The following RNGTT variants were observed in gnomAD, a reference collection of about 807,000 sequenced individuals.
RNGTT encodes RNA guanylyltransferase and 5'-phosphatase, also known as mRNA-capping enzyme.
A neutral mutation model predicts 79.3 loss-of-function variants in RNGTT; 33 were observed. That is an observed-to-expected ratio of 0.42 (90% CI 0.32 to 0.56). The LOEUF (loss-of-function observed/expected upper bound fraction) is 0.56, where lower values mean the gene tolerates loss of function less well. RNGTT is among the 20% of genes least tolerant of loss of function. The pLI, the probability that RNGTT is intolerant of heterozygous loss-of-function variation, is 0.17. For missense variants in RNGTT, 497 were observed against 739.1 expected, an observed-to-expected ratio of 0.67 and a Z score of 3.80; for synonymous variants, 222 against 235.9, an observed-to-expected ratio of 0.94 and a Z score of 0.54.
chr6:88,775,149 A>G (rs1007616948), intron 12 of RNGTT, among the ~76,000 whole-genome samples: 1 of 152,208 alleles, frequency 6.6e-6, no homozygotes, highest in Non-Finnish European at 1.5e-5. Context: ...ATTATAACAC[A>G]ATGTTTGATA....
At chr6:88,822,011 T>C (rs1780511307) in intron 11 of RNGTT, among the ~76,000 whole-genome samples, 1 of 152,122 alleles carries the variant, frequency 6.6e-6, no homozygotes, top group Non-Finnish European at 1.5e-5. Context: ...CTGATAAACT[T>C]CAAATTTTAA....
At chr6:88,737,051 T>C (rs752326747) in intron 13 of RNGTT, among the ~76,000 whole-genome samples, 14 of 152,188 alleles carry the variant, frequency 9.2e-5, no homozygotes, top group Non-Finnish European at 1.8e-4. Flanking sequence ...AGCCAGTTGT[T>C]CTGAAAGGCA....
intron 14 of RNGTT, among the ~76,000 whole-genome samples, chr6:88,650,120 G>T (rs1379340335): frequency 6.6e-6 from 1 of 152,126 alleles, no homozygotes; most frequent in Non-Finnish European, 1.5e-5. Context: ...GAGCCTGCAC[G>T]GAATAGCATG....
chr6:88,801,144 T>C (rs552640430), intron 12 of RNGTT, among the ~76,000 whole-genome samples: 70 of 152,352 alleles, frequency 4.6e-4, no homozygotes, highest in Non-Finnish European at 9.6e-4. Context: ...TGACAAAGTA[T>C]GAATTTTACT....
chr6:88,712,501 G>T (rs1323799463), intron 13 of RNGTT, among the ~76,000 whole-genome samples: 2 of 152,078 alleles, frequency 1.3e-5, no homozygotes, highest in Admixed American at 1.3e-4. Flanking sequence ...TAGAGATAGG[G>T]TCTCACCATG....
In RNGTT at chr6:88,929,092, T is replaced by G. The variant is rs918833066; in HGVS notation, c.279-19A>C. On this transcript the variant is annotated intron_variant, in intron 3 of 15. Transcript: ENST00000369485. ...ACCATGTCTAGTAATATAGAAAAAG[T>G]TTTTTTGAAAAAAGAGATTACAAAT... 1.3e-6 allele frequency: 2 copies of G among 1,597,380 alleles called. No individual in the cohort carries two copies. The highest frequency in any genetic ancestry group is 1.7e-6 in the Non-Finnish European group (2 of 1,170,838).
At position 88,648,003 on chromosome 6, in the gene RNGTT, T is replaced by C. The variant is rs1773646028; in HGVS notation, c.1506+30350A>G. Among the ~76,000 whole-genome samples the C allele has an allele frequency of 1.3e-5, 2 of 152,134 alleles. 1 individual carries two copies. Among genetic ancestry groups the C allele is most frequent in the South Asian group, 4.1e-4 (2 of 4,834 alleles). ...TCACATTAAGAAAGGATCTCTACGTTTGCATTCACTTCCTGTCACAAATAA... is the reference window on the plus strand; with the variant it reads ...TCACATTAAGAAAGGATCTCTACGTCTGCATTCACTTCCTGTCACAAATAA... On this transcript the variant is annotated intron_variant, in intron 14 of 15. Coordinates refer to ENST00000369485, the MANE Select transcript of RNGTT (RefSeq NM_003800.5).
At chr6:88,943,275 C>A (rs998667864) in intron 1 of RNGTT, among the ~76,000 whole-genome samples, 4 of 152,226 alleles carry the variant, frequency 2.6e-5, no homozygotes, top group Non-Finnish European at 2.9e-5. Flanking sequence ...CTGCTCCCTT[C>A]ATGGTCTTCC....
chr6:88,643,771 G>C (rs1773418378), intron 14 of RNGTT, among the ~76,000 whole-genome samples: 1 of 152,164 alleles, frequency 6.6e-6, no homozygotes, highest in African/African-American at 2.4e-5. Flanking sequence ...ATAACGAAAT[G>C]AAGGCAGAAA....
At chr6:88,801,006 T>C (rs1779764710) in intron 12 of RNGTT, among the ~76,000 whole-genome samples, 1 of 152,226 alleles carries the variant, frequency 6.6e-6, no homozygotes, top group Admixed American at 6.5e-5. Flanking sequence ...TGAGAAAACC[T>C]GCTATAGAGT....
chr6:88,914,361 A>G (rs1190835412), intron 4 of RNGTT, among the ~76,000 whole-genome samples: 1 of 152,170 alleles, frequency 6.6e-6, no homozygotes, highest in Non-Finnish European at 1.5e-5. Context: ...AGCTGAAGGC[A>G]TCATATTACA....
At chr6:88,731,432 T>A (rs1054714344) in intron 13 of RNGTT, among the ~76,000 whole-genome samples, 31 of 152,066 alleles carry the variant, frequency 2.0e-4, no homozygotes, top group African/African-American at 6.0e-4. Flanking sequence ...TGAACCAGAC[T>A]CAGATATAAC....
chr6:88,623,043 T>TA (rs1307098653), intron 14 of RNGTT, among the ~76,000 whole-genome samples: 1 of 152,068 alleles, frequency 6.6e-6, no homozygotes, highest in Non-Finnish European at 1.5e-5. Context: ...AGATGATATT[T>TA]AAGCTAAGAC....
At chr6:88,726,389 C>CAAAAAAAAAAAAAAAAA (rs61210098) in intron 13 of RNGTT, among the ~76,000 whole-genome samples, 1 of 99,550 alleles carries the variant, frequency 1.0e-5, no homozygotes, top group Non-Finnish European at 1.9e-5. Flanking sequence ...ATCCTAAGTC[C>CAAAAAAAAAAAAAAAAA]AAAAAAAAAA....
chr6:88,963,205 C>G, intron 1 of RNGTT, 141 bp downstream of exon 1: 1 of 771,962 alleles, frequency 1.3e-6, no homozygotes, highest in Non-Finnish European at 2.1e-6. Flanking sequence ...CATTCATCCA[C>G]GAAGCGTAAT....
chr6:88,799,931 T>C (rs1412122363), intron 12 of RNGTT, among the ~76,000 whole-genome samples: 1 of 152,120 alleles, frequency 6.6e-6, no homozygotes, highest in Admixed American at 6.5e-5. Flanking sequence ...TGGAATATAT[T>C]AGAACTAAAA....
intron 13 of RNGTT, among the ~76,000 whole-genome samples, chr6:88,706,216 T>C (rs946382045): frequency 1.3e-5 from 2 of 152,204 alleles, no homozygotes; most frequent in Middle Eastern, 3.4e-3. Context: ...AAGTATGTCA[T>C]CAATGCATTG....
At chr6:88,656,494 T>C (rs1773982568) in intron 14 of RNGTT, among the ~76,000 whole-genome samples, 1 of 152,136 alleles carries the variant, frequency 6.6e-6, no homozygotes, top group Non-Finnish European at 1.5e-5. Flanking sequence ...GAATCTAGTA[T>C]CTCTTTGGTT....
At chr6:88,626,572 A>C (rs979545357) in intron 14 of RNGTT, among the ~76,000 whole-genome samples, 1 of 152,024 alleles carries the variant, frequency 6.6e-6, no homozygotes, top group African/African-American at 2.4e-5. Flanking sequence ...TATCTGCTAA[A>C]GTTTCTTTCT....
Sources: gnomAD v4.1 joint callset for allele counts (sites outside exome capture counted in the v4.1 genomes callset) on GRCh38, gnomAD v4.1.1 for gene constraint, MANE v1.5 for transcripts, NCBI Gene and HGNC (gene_info 2026-07-23, HGNC 2026-07-21) for gene names.